MINK1: variants seen among roughly 807,000 people sequenced by gnomAD.
MINK1 encodes misshapen-like kinase 1.
MINK1 carries 46 observed loss-of-function variants against 178.4 expected under a neutral mutation model. That is an observed-to-expected ratio of 0.26 (90% CI 0.20 to 0.33). The LOEUF is 0.33. Among genes scored for constraint, MINK1 ranks in the 10% least tolerant of loss-of-function variants. MINK1 has a pLI of 1.00. For synonymous variants in MINK1, 797 were observed against 709.7 expected, an observed-to-expected ratio of 1.12 and a Z score of -1.96; for missense variants, 1,366 against 1,814.9, an observed-to-expected ratio of 0.75 and a Z score of 4.49.
intron 1 of MINK1, among the ~76,000 whole-genome samples, chr17:4,874,732 G>A (rs1364910352): frequency 6.6e-6 from 1 of 152,126 alleles, no homozygotes; most frequent in Non-Finnish European, 1.5e-5. Flanking sequence ...CAACCAGAGT[G>A]CCACGTGCGG....
intron 2 of MINK1, among the ~76,000 whole-genome samples, chr17:4,880,412 A>C (rs1167551674): frequency 1.4e-5 from 2 of 146,860 alleles, no homozygotes; most frequent in Non-Finnish European, 3.0e-5. Flanking sequence ...CAGCCTCCTG[A>C]GTAGCTGGGA....
In MINK1 at chr17:4,840,599, T is replaced by C. The variant is rs192545494; in HGVS notation, c.57+6959T>C. Among the ~76,000 whole-genome samples the C allele has an allele frequency of 4.6e-5, 7 of 152,222 alleles. No individual in the cohort carries two copies. The East Asian group carries it at 1.4e-3, about 29-fold the overall frequency. On this transcript the variant is annotated intron_variant, in intron 1 of 31. Coordinates refer to ENST00000355280, the MANE Select transcript of MINK1 (RefSeq NM_153827.5). ...TAAGGGGTGCCTGGAGTTTGGAAGG[T>C]AGGTGAGTCTCACGGAAATAAGAAC...
Position 4,892,111 on chromosome 17 carries a change from G to A in MINK1, c.2002-38G>A, listed in dbSNP as rs577436580. ...CTTAAACATCTGAGAAGTGCCTGTC[G>A]CAGCGCCAGCTCGCAGCACGTGGAC... On this transcript the variant is annotated intron_variant, in intron 16 of 31. Coordinates refer to ENST00000355280, the MANE Select transcript of MINK1 (RefSeq NM_153827.5). 172 of 1,514,238 alleles carry A rather than the reference G, an allele frequency of 1.1e-4. 3 individuals carry two copies. Among genetic ancestry groups the A allele is most frequent in the South Asian group, 7.3e-4 (61 of 84,060 alleles). 93.8% of individuals were successfully genotyped at this position (1,514,238 alleles called of 1,614,324 possible).
At chr17:4,890,831 G>A (rs1224363962) in intron 14 of MINK1, 96 bp downstream of exon 14, 1 of 1,515,722 alleles carries the variant, frequency 6.6e-7, no homozygotes, top group African/African-American at 1.4e-5. Flanking sequence ...CAGGCACCAA[G>A]TAGGGGAAAG....
At position 4,886,749 on chromosome 17, in the gene MINK1, C is replaced by A. The variant is rs1968244873; in HGVS notation, c.949+123C>A. 4 of 1,135,204 alleles carry A rather than the reference C, an allele frequency of 3.5e-6. No homozygotes were observed. Among genetic ancestry groups the A allele is most frequent in the Non-Finnish European group, 3.6e-6 (3 of 827,206 alleles). The allele number at this position is 1,135,204 out of a possible 1,614,324, so 70.3% of individuals were successfully genotyped here. A position where few individuals can be genotyped will look rare whatever the true frequency, so the allele number is the denominator to read the frequency against. ...CTCCTTGGCCCCAGCTCTCCCTGTCCAAGGAGATCGTTCTCAAACTTGCAA... is the reference window on the plus strand; with the variant it reads ...CTCCTTGGCCCCAGCTCTCCCTGTCAAAGGAGATCGTTCTCAAACTTGCAA... On this transcript the variant is annotated intron_variant, in intron 10 of 31. Transcript: ENST00000355280. This position sits in a 1 kb window ranked among gnomAD's most constrained non-coding sequence, Gnocchi z 6.1.
chr17:4,867,743 C>T (rs563924818), intron 1 of MINK1, among the ~76,000 whole-genome samples: 52 of 151,382 alleles, frequency 3.4e-4, no homozygotes, highest in Non-Finnish European at 5.7e-4. Context: ...ACCTGGAAGG[C>T]GGAGGTGGCA....
intron 1 of MINK1, among the ~76,000 whole-genome samples, chr17:4,837,413 C>T (rs1171632282): frequency 6.6e-6 from 1 of 152,190 alleles, no homozygotes; most frequent in Non-Finnish European, 1.5e-5. Flanking sequence ...CATTTTGCCC[C>T]TCTTTTATTT....
At chr17:4,880,123 CT>C (rs1967556277) in intron 2 of MINK1, among the ~76,000 whole-genome samples, 1 of 152,066 alleles carries the variant, frequency 6.6e-6, no homozygotes, top group Admixed American at 6.5e-5. Context: ...CCTCATCTGT[CT>C]TGAGTTTTTA....
In MINK1 at chr17:4,891,519, C is replaced by A; in HGVS notation, c.1804C>A (p.Leu602Met). 1 of 1,612,414 alleles carries A rather than the reference C, an allele frequency of 6.2e-7. No individual in the cohort carries two copies. Among genetic ancestry groups the A allele is most frequent in the Non-Finnish European group, 8.5e-7 (1 of 1,179,388 alleles). Residue 602 changes from leucine (L) to methionine (M), a missense_variant, in exon 16 of 32, where the codon CTG (leucine) becomes ATG (methionine). Around this residue, in one of 14 missense-constraint regions of MINK1, gnomAD observed 709 missense variants for 692.3 expected, o/e 1.02. Transcript: ENST00000355280. ...YAAPVPRSQS[L>M]QDQPTRNLAA... is the part of the protein sequence containing the mutation. ...AGCACCTGTACCCCGATCCCAGTCC[C>A]TGCAGGACCAGCCCACCCGAAACCT...
Position 4,895,595 on chromosome 17 carries a change from A to G in MINK1, c.3229+102A>G. The G allele has an allele frequency of 1.3e-6, 2 of 1,549,506 alleles. No homozygotes were observed. The highest frequency in any genetic ancestry group is 1.7e-6 in the Non-Finnish European group (2 of 1,144,410). On this transcript the variant is annotated intron_variant, in intron 26 of 31. Coordinates refer to ENST00000355280, the MANE Select transcript of MINK1 (RefSeq NM_153827.5). This position sits in a 1 kb window ranked among gnomAD's most constrained non-coding sequence, Gnocchi z 4.3. The stretch of plus-strand genomic sequence containing the variant: ...GGCAGGCACTGGAAGGTGGGGCCAC[A>G]CTTTCTCACCCCTTGTGGTATGCTG...
chr17:4,894,147 A>C lies in MINK1; in HGVS notation c.2671-27A>C, dbSNP rs1160020864. 2 of 1,612,318 alleles carry C rather than the reference A, an allele frequency of 1.2e-6. No individual in the cohort carries two copies. The highest frequency in any genetic ancestry group is 2.2e-5 in the South Asian group (2 of 91,004). The stretch of plus-strand genomic sequence containing the variant: ...ACCTGTGTGTGCCCTCCTCAGCCCC[A>C]CGCCAACCCTGCCCTCTGTCCTGTA... On this transcript the variant is annotated intron_variant, in intron 22 of 31. Transcript: ENST00000355280. The surrounding 1 kb of genome is among the most constrained non-coding windows in gnomAD (Gnocchi z 4.1).
At chr17:4,859,529 C>T (rs896572870) in intron 1 of MINK1, among the ~76,000 whole-genome samples, 39 of 151,962 alleles carry the variant, frequency 2.6e-4, no homozygotes, top group Admixed American at 1.8e-3. Context: ...ACACTGGCTA[C>T]GTAATCCCAG....
chr17:4,894,323 G>C lies in MINK1; in HGVS notation c.2808+12G>C. On this transcript the variant is annotated intron_variant, in intron 23 of 31. Coordinates refer to ENST00000355280, the MANE Select transcript of MINK1 (RefSeq NM_153827.5). This position sits in a 1 kb window ranked among gnomAD's most constrained non-coding sequence, Gnocchi z 4.1. Reference sequence around the variant, plus strand: ...ATGGGAGTGGTGACGTAAGTGGGCCGGAGGCAGGTCCGCCGGGAGAGAAGA... The same window carrying C: ...ATGGGAGTGGTGACGTAAGTGGGCCCGAGGCAGGTCCGCCGGGAGAGAAGA... The C allele has an allele frequency of 6.2e-7, 1 of 1,609,676 alleles. No individual in the cohort carries two copies. The highest frequency in any genetic ancestry group is 8.5e-7 in the Non-Finnish European group (1 of 1,178,674).
intron 2 of MINK1, among the ~76,000 whole-genome samples, chr17:4,880,529 C>T (rs1213089351): frequency 1.3e-5 from 2 of 149,260 alleles, no homozygotes; most frequent in Admixed American, 6.6e-5. Context: ...TCAAGTGATC[C>T]GCCTGCCTCG....
In MINK1 at chr17:4,897,706, G is replaced by C. The variant is rs1045120672; in HGVS notation, c.*419G>C. ...CCTTGAATGTACCAGACCCTGGGGG[G>C]GGTCACTGGGCCCTAGATTTTTGGG... On this transcript the variant is annotated 3_prime_UTR_variant, in exon 32 of 32. Coordinates refer to ENST00000355280, the MANE Select transcript of MINK1 (RefSeq NM_153827.5). 1 of 157,170 alleles carries C rather than the reference G, an allele frequency of 6.4e-6. No homozygotes were observed. Among genetic ancestry groups the C allele is most frequent in the Non-Finnish European group, 1.4e-5 (1 of 71,366 alleles). The allele number at this position is 157,170 out of a possible 1,614,324, so 9.7% of individuals were successfully genotyped here. A position where few individuals can be genotyped will look rare whatever the true frequency, so the allele number is the denominator to read the frequency against.
intron 1 of MINK1, among the ~76,000 whole-genome samples, chr17:4,859,900 A>G (rs1221813667): frequency 4.0e-5 from 6 of 151,632 alleles, no homozygotes; most frequent in African/African-American, 1.5e-4. Context: ...GGTTTCATCT[A>G]CATGCAAAAC....
chr17:4,850,640 C>T (rs1322536191), intron 1 of MINK1, among the ~76,000 whole-genome samples: 1 of 151,392 alleles, frequency 6.6e-6, no homozygotes, highest in Non-Finnish European at 1.5e-5. Flanking sequence ...TAAGTTTTCT[C>T]TCATGGCCTG....
In MINK1 at chr17:4,860,667, G is replaced by T. The variant is rs1914018882; in HGVS notation, c.58-17650G>T. 7.8e-6 allele frequency: 4 copies of T among 515,472 alleles called. No individual in the cohort carries two copies. In the Admixed American group the frequency reaches 7.9e-5, roughly 10 times the overall value. The allele number at this position is 515,472 out of a possible 1,614,324, so 31.9% of individuals were successfully genotyped here. A position where few individuals can be genotyped will look rare whatever the true frequency, so the allele number is the denominator to read the frequency against. The stretch of plus-strand genomic sequence containing the variant: ...TTCCTCCAGGTAGGAGCTGTGGGAG[G>T]AGTCCAGGGAGTCCCTTGAGGCTGA... On this transcript the variant is annotated intron_variant, in intron 1 of 31. Transcript: ENST00000355280.
At position 4,885,779 on chromosome 17, in the gene MINK1, G is replaced by T; in HGVS notation, c.640-132G>T. ...GCAAGTGTGGGTGGGAAGATGGGAT[G>T]GGTTGGAAGGCACTGCTGCAGGAAT... On this transcript the variant is annotated intron_variant, in intron 7 of 31. Coordinates refer to ENST00000355280, the MANE Select transcript of MINK1 (RefSeq NM_153827.5). The surrounding 1 kb of genome is among the most constrained non-coding windows in gnomAD (Gnocchi z 5.0). The T allele has an allele frequency of 7.2e-7, 1 of 1,379,602 alleles. No individual in the cohort carries two copies. Among genetic ancestry groups the T allele is most frequent in the South Asian group, 1.3e-5 (1 of 77,744 alleles). The allele number at this position is 1,379,602 out of a possible 1,614,324, so 85.5% of individuals were successfully genotyped here.
Sources: allele counts gnomAD v4.1 joint callset (sites outside exome capture counted in the v4.1 genomes callset), GRCh38; gene constraint gnomAD v4.1.1; regional missense constraint gnomAD v4.1.1; non-coding constraint Gnocchi (gnomAD v3.1); transcripts MANE v1.5; gene names NCBI Gene and HGNC (gene_info 2026-07-23, HGNC 2026-07-21).